SLC35F2: variants seen among roughly 807,000 people sequenced by gnomAD.
The protein encoded by SLC35F2 is queuine/queuosine transporter SLC35F2.
A neutral mutation model predicts 38.1 loss-of-function variants in SLC35F2; 25 were observed. That is an observed-to-expected ratio of 0.66 (90% CI 0.48 to 0.92). SLC35F2 has a LOEUF of 0.92. Among genes scored for constraint, SLC35F2 ranks in the 40% least tolerant of loss-of-function variants. SLC35F2 has a pLI of 0.00. For missense variants in SLC35F2, 409 were observed against 452.9 expected (o/e 0.90, Z 0.88); for synonymous variants, 173 against 181.7 (o/e 0.95, Z 0.38).
chr11:107,810,140 A>G (rs539178), intron 3 of SLC35F2: 596,080 of 985,162 alleles, frequency 0.61, 180,938 homozygotes, highest in African/African-American at 0.72. Context: ...AATCATTCCT[A>G]TCACAGCTGT....
chr11:107,806,128 G>T (rs1010159819), intron 4 of SLC35F2, among the ~76,000 whole-genome samples: 1 of 152,114 alleles, frequency 6.6e-6, no homozygotes, highest in Non-Finnish European at 1.5e-5. Flanking sequence ...ACTTTCTGGT[G>T]CAATTCTGCT....
At chr11:107,805,337 G>GA (rs752719340) in intron 5 of SLC35F2, 22 bp downstream of exon 5, 5 of 1,581,344 alleles carry the variant, frequency 3.2e-6, no homozygotes, top group Non-Finnish European at 4.3e-6. Context: ...TTTGTCTTTA[G>GA]AAAAAAATTG....
chr11:107,823,042 TCTTTATTTA>T (rs1413490677), intron 1 of SLC35F2: 1 of 535,882 alleles, frequency 1.9e-6, no homozygotes, highest in Non-Finnish European at 2.4e-6. Flanking sequence ...CTTTAGCTCT[TCTTTATTTA>T]CTATTTCAAA....
intron 1 of SLC35F2, among the ~76,000 whole-genome samples, chr11:107,843,866 AAAATATATAT>A (rs1452730138): frequency 0.028 from 1,054 of 37,384 alleles, 4 homozygotes; most frequent in East Asian, 0.049. Context: ...AAAAAAAAAA[AAAATATATAT>A]ATATATATAT....
chr11:107,833,317 C>G (rs973141008), intron 1 of SLC35F2, among the ~76,000 whole-genome samples: 2 of 151,910 alleles, frequency 1.3e-5, no homozygotes, highest in Non-Finnish European at 2.9e-5. Flanking sequence ...CTCAAGAGAT[C>G]AAGACCATCC....
At chr11:107,829,986 C>A (rs1398722566) in intron 1 of SLC35F2, among the ~76,000 whole-genome samples, 1 of 151,988 alleles carries the variant, frequency 6.6e-6, no homozygotes, top group Admixed American at 6.6e-5. Flanking sequence ...GTAAACCAGG[C>A]ATGCTGGCTC....
intron 1 of SLC35F2, among the ~76,000 whole-genome samples, chr11:107,855,512 T>C (rs1460343318): frequency 1.3e-5 from 2 of 151,362 alleles, no homozygotes; most frequent in East Asian, 3.9e-4. Flanking sequence ...ATTAGCCAGG[T>C]GTGGTGGTGC....
chr11:107,816,324 C>A, intron 1 of SLC35F2: 1 of 979,200 alleles, frequency 1.0e-6, no homozygotes, highest in Non-Finnish European at 1.2e-6. Context: ...TTCTATTGCT[C>A]AGGCTAGAGT....
chr11:107,840,165 C>G (rs1859992674), intron 1 of SLC35F2, among the ~76,000 whole-genome samples: 1 of 152,120 alleles, frequency 6.6e-6, no homozygotes, highest in Non-Finnish European at 1.5e-5. Flanking sequence ...TGGACACACT[C>G]CAAAAGACAC....
Position 107,805,279 on chromosome 11 carries a change from A to G in SLC35F2, c.731+80T>C. The G allele has an allele frequency of 8.2e-6, 12 of 1,464,316 alleles. No individual in the cohort carries two copies. The South Asian group carries it at 1.7e-4, about 21-fold the overall frequency. The allele number at this position is 1,464,316 out of a possible 1,614,324, so 90.7% of individuals were successfully genotyped here. A position where few individuals can be genotyped will look rare whatever the true frequency, so the allele number is the denominator to read the frequency against. On this transcript the variant is annotated intron_variant, in intron 5 of 7. Coordinates refer to ENST00000525815, the MANE Select transcript of SLC35F2 (RefSeq NM_017515.5). ...TAATTCCAAATGTGAATTTGGGCCA[A>G]ATAAACAATGAATATTAGTAGTTAT... is the stretch of plus-strand genomic sequence containing the variant.
At chr11:107,833,829 G>A (rs916829104) in intron 1 of SLC35F2, among the ~76,000 whole-genome samples, 5 of 152,166 alleles carry the variant, frequency 3.3e-5, no homozygotes, top group African/African-American at 1.2e-4. Flanking sequence ...AGGAAGGGGA[G>A]GGGAAGTTAA....
At chr11:107,825,373 T>G (rs921569180) in intron 1 of SLC35F2, among the ~76,000 whole-genome samples, 2 of 146,566 alleles carry the variant, frequency 1.4e-5, no homozygotes, top group African/African-American at 2.6e-5. Context: ...TTTTTTTTTT[T>G]TTTTTCTTTT....
intron 1 of SLC35F2, among the ~76,000 whole-genome samples, chr11:107,838,555 C>T (rs1257695381): frequency 6.6e-6 from 1 of 151,406 alleles, no homozygotes; most frequent in Non-Finnish European, 1.5e-5. Flanking sequence ...GAACTCCTGA[C>T]CTCAGGTGAT....
intron 1 of SLC35F2, among the ~76,000 whole-genome samples, chr11:107,835,575 G>A (rs1330861215): frequency 6.6e-6 from 1 of 152,030 alleles, no homozygotes; most frequent in Non-Finnish European, 1.5e-5. Flanking sequence ...GACTACAGGT[G>A]TACACCACCA....
At chr11:107,841,234 T>C (rs892593419) in intron 1 of SLC35F2, among the ~76,000 whole-genome samples, 1 of 151,966 alleles carries the variant, frequency 6.6e-6, no homozygotes, top group African/African-American at 2.4e-5. Flanking sequence ...ATGGAAAAGG[T>C]GGGTATTTCA....
intron 1 of SLC35F2, among the ~76,000 whole-genome samples, chr11:107,849,418 C>G (rs374172167): frequency 3.3e-5 from 5 of 152,074 alleles, no homozygotes; most frequent in African/African-American, 1.2e-4. Context: ...GTGGGCAGAT[C>G]ACCTGAAGTC....
intron 1 of SLC35F2, among the ~76,000 whole-genome samples, chr11:107,818,592 A>G (rs1859619908): frequency 1.3e-5 from 2 of 152,212 alleles, no homozygotes; most frequent in Non-Finnish European, 2.9e-5. Flanking sequence ...TACAGGCGGC[A>G]TCATACTGTA....
chr11:107,819,865 A>C (rs1859641290), intron 1 of SLC35F2, among the ~76,000 whole-genome samples: 1 of 152,190 alleles, frequency 6.6e-6, no homozygotes, highest in African/African-American at 2.4e-5. Flanking sequence ...CATGTTACAG[A>C]TGGAGAAGAT....
At chr11:107,808,867 A>C (rs1429728336) in intron 3 of SLC35F2, among the ~76,000 whole-genome samples, 1 of 152,234 alleles carries the variant, frequency 6.6e-6, no homozygotes, top group Non-Finnish European at 1.5e-5. Context: ...TCCTTAAACA[A>C]AAAAAGTAGA....
Sources: gnomAD v4.1 joint callset for allele counts (sites outside exome capture counted in the v4.1 genomes callset) on GRCh38, gnomAD v4.1.1 for gene constraint, MANE v1.5 for transcripts, NCBI Gene and HGNC (gene_info 2026-07-23, HGNC 2026-07-21) for gene names.